Variants in HSD17B4 observed in about 807,000 individuals in gnomAD.
The protein encoded by HSD17B4 is hydroxysteroid 17-beta dehydrogenase 4.
A neutral mutation model predicts 101.0 loss-of-function variants in HSD17B4; 70 were observed. That is an observed-to-expected ratio of 0.69 (90% CI 0.57 to 0.85). The LOEUF (loss-of-function observed/expected upper bound fraction) is 0.85. HSD17B4 is among the 40% of genes least tolerant of loss of function. The pLI, the probability that HSD17B4 is intolerant of heterozygous loss-of-function variation, is 0.00. For missense variants in HSD17B4, 984 were observed against 892.4 expected (o/e 1.10, Z -1.31); for synonymous variants, 347 against 297.1 (o/e 1.17, Z -1.73).
Position 119,536,466 on chromosome 5 carries a change from T to C in HSD17B4, c.2037T>C (p.Pro679=). ...KSGSGKVYQG[P]AKGAADTTII... Reference sequence around the variant, plus strand: ...GTTCTGGAAAAGTGTACCAAGGCCCTGCAAAAGGTGCTGCTGATACAACAA... The same window carrying C: ...GTTCTGGAAAAGTGTACCAAGGCCCCGCAAAAGGTGCTGCTGATACAACAA... Residue 679 remains proline (P), a synonymous_variant, in exon 23 of 24, where the codon CCT becomes CCC. Transcript: ENST00000510025. 6.2e-7 allele frequency: 1 copy of C among 1,612,302 alleles called. No individual in the cohort carries two copies. The highest frequency in any genetic ancestry group is 8.5e-7 in the Non-Finnish European group (1 of 1,178,592).
intron 22 of HSD17B4, among the ~76,000 whole-genome samples, chr5:119,533,543 G>C (rs1392897038): frequency 6.6e-6 from 1 of 152,098 alleles, no homozygotes; most frequent in African/African-American, 2.4e-5. Flanking sequence ...CTGTGGTTTT[G>C]AGCTTGTGTG....
chr5:119,506,557 G>C (rs780892952), intron 14 of HSD17B4, among the ~76,000 whole-genome samples: 1 of 152,168 alleles, frequency 6.6e-6, no homozygotes, highest in Non-Finnish European at 1.5e-5. Context: ...GGGTCAAATG[G>C]TATTTCTAGT....
chr5:119,477,855 A>T, intron 7 of HSD17B4: 1 of 227,924 alleles, frequency 4.4e-6, no homozygotes, highest in South Asian at 6.3e-5. Context: ...GGGCTCAAGC[A>T]GTCCTCCCAC....
intron 2 of HSD17B4, among the ~76,000 whole-genome samples, chr5:119,461,804 G>C (rs1224298287): frequency 6.6e-6 from 1 of 151,588 alleles, no homozygotes; most frequent in Non-Finnish European, 1.5e-5. Flanking sequence ...AGGATGGTTT[G>C]AGCCTGGGAG....
Position 119,477,418 on chromosome 5 carries a change from T to C in HSD17B4, c.351T>C (p.Asp117=), listed in dbSNP as rs200667890. 1.3e-6 allele frequency: 2 copies of C among 1,598,348 alleles called. No individual in the cohort carries two copies. Among genetic ancestry groups the C allele is most frequent in the South Asian group, 2.2e-5 (2 of 90,706 alleles). Residue 117 remains aspartate (D), a splice_region_variant and synonymous_variant, in exon 7 of 24, where the codon GAT becomes GAC. Transcript: ENST00000510025. The part of the protein sequence containing the change: ...SFARISDEDW[D]IIHRVHLRGS... ...AATAAAAATAATTTATTGTTTTAGA[T>C]ATAATCCACAGAGTTCATTTGCGGG...
chr5:119,537,109 C>G (rs72788202), intron 23 of HSD17B4, among the ~76,000 whole-genome samples: 100 of 152,142 alleles, frequency 6.6e-4, no homozygotes, highest in Non-Finnish European at 1.2e-3. Context: ...GATTATGTAG[C>G]TAGAAATTCC....
At chr5:119,459,817 G>A (rs958772438) in intron 2 of HSD17B4, among the ~76,000 whole-genome samples, 3 of 151,476 alleles carry the variant, frequency 2.0e-5, no homozygotes, top group Non-Finnish European at 2.9e-5. Context: ...ATAGATTAAT[G>A]CATTTATAAG....
chr5:119,518,126 G>A (rs1261138551), intron 17 of HSD17B4, among the ~76,000 whole-genome samples: 1 of 152,076 alleles, frequency 6.6e-6, no homozygotes, highest in Non-Finnish European at 1.5e-5. Context: ...CACTGTGGAA[G>A]CTTTGTTCTT....
intron 8 of HSD17B4, among the ~76,000 whole-genome samples, chr5:119,484,131 C>G (rs1749392079): frequency 1.3e-5 from 2 of 152,026 alleles, no homozygotes; most frequent in South Asian, 4.1e-4. Flanking sequence ...TTGCTTGAGC[C>G]CAGCAATTCG....
At chr5:119,491,227 T>A (rs1750074338) in intron 9 of HSD17B4, among the ~76,000 whole-genome samples, 1 of 152,154 alleles carries the variant, frequency 6.6e-6, no homozygotes, top group African/African-American at 2.4e-5. Flanking sequence ...CACTGCTGAT[T>A]TGTCTAGTGT....
At chr5:119,452,716 G>T (rs762069923) in intron 1 of HSD17B4, 83 bp downstream of exon 1, 3 of 1,606,146 alleles carry the variant, frequency 1.9e-6, no homozygotes, top group African/African-American at 2.7e-5. Flanking sequence ...GCGCGCAGCC[G>T]CAGCTGAGGT....
Position 119,529,987 on chromosome 5 carries a change from T to C in HSD17B4, c.1854+7T>C, listed in dbSNP as rs886059822. ...AGCTAAGACACCCTCTGAGGTAGGT[T>C]ATAAAAATTAGTATCCAAGCCACTT... On this transcript the variant is annotated splice_region_variant and intron_variant, in intron 21 of 23. Coordinates refer to ENST00000510025, the MANE Select transcript of HSD17B4 (RefSeq NM_000414.4). 4 of 1,549,352 alleles carry C rather than the reference T, an allele frequency of 2.6e-6. No individual in the cohort carries two copies. The highest frequency in any genetic ancestry group is 3.6e-6 in the Non-Finnish European group (4 of 1,121,660).
chr5:119,487,895 T>G (rs1376378789), intron 8 of HSD17B4, among the ~76,000 whole-genome samples: 2 of 152,160 alleles, frequency 1.3e-5, no homozygotes, highest in Non-Finnish European at 2.9e-5. Context: ...CTTTTGTTTT[T>G]TCCTCGTGCA....
At chr5:119,524,102 T>G (rs2126869623) in intron 17 of HSD17B4, among the ~76,000 whole-genome samples, 1 of 152,266 alleles carries the variant, frequency 6.6e-6, no homozygotes, top group Non-Finnish European at 1.5e-5. Context: ...ATATGGGACC[T>G]TGCAAGTCAC....
At chr5:119,457,098 T>C (rs1473646810) in intron 2 of HSD17B4, among the ~76,000 whole-genome samples, 2 of 152,214 alleles carry the variant, frequency 1.3e-5, no homozygotes, top group Non-Finnish European at 2.9e-5. Flanking sequence ...GAGGTTTTAG[T>C]AATCTGCATG....
chr5:119,522,180 G>C (rs1262723939), intron 17 of HSD17B4, among the ~76,000 whole-genome samples: 2 of 151,944 alleles, frequency 1.3e-5, no homozygotes, highest in African/African-American at 2.4e-5. Flanking sequence ...GTGAGAACAT[G>C]TGGTGTTTGG....
At chr5:119,514,396 T>C (rs1752432374) in intron 16 of HSD17B4, among the ~76,000 whole-genome samples, 1 of 152,212 alleles carries the variant, frequency 6.6e-6, no homozygotes, top group South Asian at 2.1e-4. Context: ...GATTGAGAAG[T>C]AGATATTAGC....
intron 2 of HSD17B4, among the ~76,000 whole-genome samples, chr5:119,457,043 G>T (rs1477589492): frequency 1.3e-5 from 2 of 152,138 alleles, no homozygotes; most frequent in Non-Finnish European, 2.9e-5. Context: ...TTTGTTTGTG[G>T]AGGGGTCAGA....
chr5:119,452,780 CTT>C, intron 1 of HSD17B4, 147 bp downstream of exon 1: 1 of 1,556,006 alleles, frequency 6.4e-7, no homozygotes, highest in Non-Finnish European at 8.6e-7. Context: ...CACCGCATCT[CTT>C]GAGGAGGAAA....
Sources: allele counts gnomAD v4.1 joint callset (sites outside exome capture counted in the v4.1 genomes callset), GRCh38; gene constraint gnomAD v4.1.1; transcripts MANE v1.5; gene names NCBI Gene and HGNC (gene_info 2026-07-23, HGNC 2026-07-21).